The following PRDM10 variants were observed in gnomAD, a reference collection of about 807,000 sequenced individuals.
The protein encoded by PRDM10 is PR domain zinc finger protein 10.
A neutral mutation model predicts 133.1 loss-of-function variants in PRDM10; 65 were observed. The ratio of observed to expected loss-of-function variants is 0.49; its 90% CI spans 0.40 to 0.60. The LOEUF (loss-of-function observed/expected upper bound fraction) is 0.60. Ranked by LOEUF, PRDM10 falls within the 20% of genes least tolerant of loss-of-function variation. The pLI is 0.00. For synonymous variants in PRDM10, 582 were observed against 580.4 expected (o/e 1.00, Z -0.04); for missense variants, 1,137 against 1,507.1 (o/e 0.75, Z 4.07).
chr11:129,905,664 T>G lies in PRDM10; in HGVS notation c.3241A>C (p.Thr1081Pro), dbSNP rs1374459832. The change falls in exon 20 of 21, where the codon ACT becomes CCT. Residue 1081 changes from threonine to proline, a missense_variant. This residue lies in a region of PRDM10 where 243 missense variants were observed against 259.2 expected (regional missense o/e 0.94). Transcript: ENST00000360871. ...TDSGVATPVT[T>P]GQVKAVTSGH... ...GAAGTAACCGCCTTCACCTGGCCAG[T>G]AGTAACTGGAGTTGCCACACCACTG... is the stretch of plus-strand genomic sequence containing the variant. The G allele has an allele frequency of 6.2e-7, 1 of 1,614,118 alleles. No homozygotes were observed.
intron 2 of PRDM10, 124 bp downstream of exon 2, chr11:129,960,772 G>T: frequency 1.1e-6 from 1 of 938,928 alleles, no homozygotes; most frequent in South Asian, 1.5e-5. Flanking sequence ...CCTTGTGTAC[G>T]AGTTCTTCAT....
chr11:129,941,596 T>C (rs1474986065), intron 7 of PRDM10, among the ~76,000 whole-genome samples: 1 of 152,208 alleles, frequency 6.6e-6, no homozygotes, highest in African/African-American at 2.4e-5. Context: ...GTTTTTGACA[T>C]GACGATGGTG....
Position 129,944,907 on chromosome 11 carries a change from G to A in PRDM10, c.626C>T (p.Pro209Leu). 6.2e-7 allele frequency: 1 copy of A among 1,614,124 alleles called. No individual in the cohort carries two copies. The highest frequency in any genetic ancestry group is 8.5e-7 in the Non-Finnish European group (1 of 1,180,026). ...PVLTRARASL[P>L]LVLYIDRFLG... ...AAACCTGTCTATGTAGAGCACCAGG[G>A]GGAGGCTCGCCCTGGCCCGGGTGAG... is the stretch of plus-strand genomic sequence containing the variant. Residue 209 changes from proline (P) to leucine (L), a missense_variant, in exon 6 of 21, where the codon CCC (proline) becomes CTC (leucine). By Grantham distance (98) the Pro-to-Leu change is moderately conservative. This residue lies in a region of PRDM10 where 635 missense variants were observed against 835.2 expected (regional missense o/e 0.76). Transcript: ENST00000360871.
intron 7 of PRDM10, among the ~76,000 whole-genome samples, chr11:129,939,172 C>T (rs768245840): frequency 3.3e-5 from 5 of 152,214 alleles, no homozygotes; most frequent in East Asian, 1.9e-4. Context: ...TGCTTGTTTA[C>T]ATCTTTCTGT....
chr11:129,950,971 A>T (rs1284422133), intron 4 of PRDM10, among the ~76,000 whole-genome samples: 1 of 152,220 alleles, frequency 6.6e-6, no homozygotes, highest in Non-Finnish European at 1.5e-5. Context: ...ACTGTGGCAA[A>T]AGGAAATGCT....
intron 19 of PRDM10, among the ~76,000 whole-genome samples, chr11:129,906,518 A>G (rs1406940891): frequency 2.0e-5 from 3 of 152,248 alleles, no homozygotes; most frequent in Non-Finnish European, 4.4e-5. Context: ...CTTGGATAGC[A>G]TAAGAAATCA....
rs1232223587 is a variant in PRDM10, at chr11:129,900,627, T to C, written c.*1686A>G. On this transcript the variant is annotated 3_prime_UTR_variant, in exon 21 of 21. Transcript: ENST00000360871. Reference sequence around the variant, plus strand: ...TCCACTAGTCTTCTCCTAGAAAGTCTTTCTAGACCGGACACTAGGATATTT... The same window carrying C: ...TCCACTAGTCTTCTCCTAGAAAGTCCTTCTAGACCGGACACTAGGATATTT... 8 of 152,302 alleles carry C rather than the reference T, an allele frequency of 5.3e-5. No individual in the cohort carries two copies. 9.4% of individuals were successfully genotyped at this position (152,302 alleles called of 1,614,324 possible).
chr11:129,903,732 A>G (rs1949919951), intron 20 of PRDM10, among the ~76,000 whole-genome samples: 1 of 152,136 alleles, frequency 6.6e-6, no homozygotes, highest in Non-Finnish European at 1.5e-5. Flanking sequence ...CACTAGGGCC[A>G]GATGTTCTGA....
At chr11:129,980,725 G>A (rs1041330798) in intron 1 of PRDM10, among the ~76,000 whole-genome samples, 3 of 152,102 alleles carry the variant, frequency 2.0e-5, no homozygotes, top group African/African-American at 7.2e-5. Flanking sequence ...AAAGAAGCCA[G>A]TCATAAAAGA....
intron 1 of PRDM10, among the ~76,000 whole-genome samples, chr11:129,962,899 A>G (rs978759744): frequency 6.6e-6 from 1 of 152,226 alleles, no homozygotes; most frequent in Non-Finnish European, 1.5e-5. Flanking sequence ...CTGTAATCCC[A>G]GCACTTTGGG....
chr11:129,946,280 A>AAAAAG (rs1162157319), intron 5 of PRDM10, among the ~76,000 whole-genome samples: 1 of 152,028 alleles, frequency 6.6e-6, no homozygotes, highest in Non-Finnish European at 1.5e-5. Context: ...AAAAACAAAC[A>AAAAAG]AAAAGAAAAG....
Position 129,918,707 on chromosome 11 carries a change from T to C in PRDM10, c.2046A>G (p.Lys682=). ...TCGKQFKRKD[K]LREHMQRMHN... ...GCATCCTCTGCATGTGTTCCCGTAG[T>C]TTGTCTTTTCGCTATTTGGAGAGTA... The change falls in exon 14 of 21, where the codon AAA becomes AAG. Residue 682 remains lysine (K), a synonymous_variant. Coordinates refer to ENST00000360871, the MANE Select transcript of PRDM10 (RefSeq NM_199437.2). The surrounding 1 kb of genome is among the most constrained non-coding windows in gnomAD (Gnocchi z 5.3). The C allele has an allele frequency of 6.2e-7, 1 of 1,609,178 alleles. No individual in the cohort carries two copies. Among genetic ancestry groups the C allele is most frequent in the Non-Finnish European group, 8.5e-7 (1 of 1,177,448 alleles).
chr11:129,993,458 CATT>C (rs1672824576), intron 1 of PRDM10, among the ~76,000 whole-genome samples: 1 of 152,044 alleles, frequency 6.6e-6, no homozygotes, highest in African/African-American at 2.4e-5. Flanking sequence ...ATTGGTCCAT[CATT>C]ATTAGCCTAC....
rs554417236 is a variant in PRDM10 at position 129,918,964 on chromosome 11, G to A, written c.2035-246C>T. ...CCATTAAATAGGAAAGATACATACCGACTTTTGAGAATAAAGACTGTGCAT... is the reference window on the plus strand; with the variant it reads ...CCATTAAATAGGAAAGATACATACCAACTTTTGAGAATAAAGACTGTGCAT... On this transcript the variant is annotated intron_variant, in intron 13 of 20. Coordinates refer to ENST00000360871, the MANE Select transcript of PRDM10 (RefSeq NM_199437.2). The surrounding 1 kb of genome is among the most constrained non-coding windows in gnomAD (Gnocchi z 5.3). 9.9e-5 allele frequency among the ~76,000 whole-genome samples: 15 copies of A among 152,262 alleles called. No individual in the cohort carries two copies. In the East Asian group the frequency reaches 2.9e-3, roughly 29 times the overall value.
At chr11:129,936,394 C>G (rs1241099095) in intron 8 of PRDM10, among the ~76,000 whole-genome samples, 1 of 152,102 alleles carries the variant, frequency 6.6e-6, no homozygotes, top group Non-Finnish European at 1.5e-5. Context: ...TGGCTCACGC[C>G]TATAATCCCA....
chr11:129,905,576 A>G, intron 20 of PRDM10, 62 bp downstream of exon 20: 1 of 1,197,070 alleles, frequency 8.4e-7, no homozygotes, highest in Non-Finnish European at 1.2e-6. Flanking sequence ...AAGTGGTGAT[A>G]AGAGTTACTA....
chr11:129,982,833 A>C (rs1218616061), intron 1 of PRDM10, among the ~76,000 whole-genome samples: 1 of 151,978 alleles, frequency 6.6e-6, no homozygotes, highest in African/African-American at 2.4e-5. Context: ...GGTGGTGCAC[A>C]CCTAGTGGTC....
chr11:129,976,502 A>T (rs1473101279), intron 1 of PRDM10, among the ~76,000 whole-genome samples: 1 of 152,226 alleles, frequency 6.6e-6, no homozygotes, highest in African/African-American at 2.4e-5. Flanking sequence ...ACGACAACTC[A>T]ATGAAGTTGT....
intron 20 of PRDM10, 119 bp from the exon 21 acceptor site, chr11:129,902,635 G>C (rs1949878313): frequency 1.4e-6 from 2 of 1,422,898 alleles, no homozygotes; most frequent in Non-Finnish European, 1.9e-6. Flanking sequence ...GCATCTATGA[G>C]AGATGCTTTG....
Sources: allele counts gnomAD v4.1 joint callset (sites outside exome capture counted in the v4.1 genomes callset), GRCh38; gene constraint gnomAD v4.1.1; regional missense constraint gnomAD v4.1.1; non-coding constraint Gnocchi (gnomAD v3.1); transcripts MANE v1.5; gene names NCBI Gene and HGNC (gene_info 2026-07-23, HGNC 2026-07-21).